The following MYO5B variants were observed in gnomAD, a reference collection of about 807,000 sequenced individuals.
MYO5B encodes unconventional myosin-Vb.
In MYO5B, 143 loss-of-function variants were observed where a neutral mutation model predicts 229.3. The observed-to-expected ratio is 0.62, with a 90% CI of 0.54 to 0.72. The LOEUF is 0.72. Ranked by LOEUF, MYO5B falls within the 30% of genes least tolerant of loss-of-function variation. The pLI is 0.00. For synonymous variants in MYO5B, 918 were observed against 885.2 expected, an observed-to-expected ratio of 1.04 and a Z score of -0.66; for missense variants, 2,321 against 2,331.0, an observed-to-expected ratio of 1.00 and a Z score of 0.09.
intron 2 of MYO5B, among the ~76,000 whole-genome samples, chr18:50,041,835 T>TGGGAAAA (rs2030024614): frequency 6.6e-6 from 1 of 152,102 alleles, no homozygotes; most frequent in Middle Eastern, 3.2e-3. Context: ...CAAAGTCAAA[T>TGGGAAAA]GGGAAAAGGG....
chr18:49,829,165 G>A (rs9950253), intron 39 of MYO5B, among the ~76,000 whole-genome samples: 2,034 of 149,812 alleles, frequency 0.014, 60 homozygotes, highest in African/African-American at 0.046. Context: ...CACAATCTCC[G>A]CCTCCCAGGT....
In MYO5B at chr18:49,836,851, C is replaced by T; in HGVS notation, c.5173G>A (p.Gly1725Arg). The change falls in exon 38 of 40, where the codon GGA (glycine) becomes AGA (arginine). Residue 1725 changes from glycine to arginine, a missense_variant. Transcript: ENST00000285039. ...NISQLEEWLR[G>R]RNLHQSGAVQ... is the part of the protein sequence containing the mutation. ...GCTCCACTCTGGTGAAGGTTTCTTC[C>T]CCGAAGCCACTCCTCAAGCTGACTT... is the stretch of plus-strand genomic sequence containing the variant. The T allele has an allele frequency of 1.9e-6, 3 of 1,614,100 alleles. No homozygotes were observed. The highest frequency in any genetic ancestry group is 2.5e-6 in the Non-Finnish European group (3 of 1,179,978).
rs71169467 is a variant in MYO5B, at chr18:49,957,142, C to CAAAA, written c.1546-2711_1546-2708dup. Among the ~76,000 whole-genome samples, 71 of 58,674 alleles carry CAAAA rather than the reference C, an allele frequency of 1.2e-3. 2 individuals are homozygous for CAAAA. The highest frequency in any genetic ancestry group is 2.5e-3 in the African/African-American group (31 of 12,586). 38.5% of individuals were successfully genotyped at this position (58,674 alleles called of 152,430 possible). A position where few individuals can be genotyped will look rare whatever the true frequency, so the allele number is the denominator to read the frequency against. ...ACTCCTTGCTAGTAAAATAAAGTAG[C>CAAAA]AAAAAAAAAAAAAAAAAAAAAAAGC... On this transcript the variant is annotated intron_variant, in intron 12 of 39. Transcript: ENST00000285039.
In MYO5B at chr18:50,047,597, C is replaced by T. The variant is rs144184610; in HGVS notation, c.139-7283G>A. Among the ~76,000 whole-genome samples, 1,332 of 152,214 alleles carry T rather than the reference C, an allele frequency of 8.8e-3. 17 individuals are homozygous for T. Among genetic ancestry groups the T allele is most frequent in the African/African-American group, 0.03 (1,232 of 41,504 alleles). ...CAGCCATCCCATTACTGGGTATATA[C>T]CCAAAGTATTATAAATCATGCTGCT... On this transcript the variant is annotated intron_variant, in intron 2 of 39. Coordinates refer to ENST00000285039, the MANE Select transcript of MYO5B (RefSeq NM_001080467.3).
chr18:49,929,531 C>G lies in MYO5B; in HGVS notation c.2071G>C (p.Ala691Pro). 2 of 1,607,588 alleles carry G rather than the reference C, an allele frequency of 1.2e-6. No individual in the cohort carries two copies. The highest frequency in any genetic ancestry group is 1.7e-6 in the Non-Finnish European group (2 of 1,178,698). The change falls in exon 17 of 40, where the codon GCA becomes CCA. Residue 691 changes from alanine (A) to proline (P), a missense_variant. Coordinates refer to ENST00000285039, the MANE Select transcript of MYO5B (RefSeq NM_001080467.3). ...CGVLETIRIS[A>P]AGYPSRWAYH... is the part of the protein sequence containing the mutation. Reference sequence around the variant, plus strand: ...AGTTACCTGGATGGGTAGCCAGCTGCACTGATTCGAATCGTCTCCAACACC... The same window carrying G: ...AGTTACCTGGATGGGTAGCCAGCTGGACTGATTCGAATCGTCTCCAACACC...
rs1287264334 is a variant in MYO5B, at chr18:50,195,049, G to T, written c.-256C>A. ...GAGCGCCGGGGGAGGAGGCCGCGCCGCACCACTCCCCTCCCAGGTGTGGGG... is the reference window on the plus strand; with the variant it reads ...GAGCGCCGGGGGAGGAGGCCGCGCCTCACCACTCCCCTCCCAGGTGTGGGG... On this transcript the variant is annotated 5_prime_UTR_variant, in exon 1 of 40. Coordinates refer to ENST00000285039, the MANE Select transcript of MYO5B (RefSeq NM_001080467.3). The T allele has an allele frequency of 1.4e-5, 5 of 346,446 alleles. No homozygotes were observed. Among genetic ancestry groups the T allele is most frequent in the Non-Finnish European group, 2.5e-5 (5 of 196,996 alleles). The allele number at this position is 346,446 out of a possible 1,614,324, so 21.5% of individuals were successfully genotyped here.
intron 4 of MYO5B, among the ~76,000 whole-genome samples, chr18:50,025,082 G>A (rs1158498132): frequency 1.3e-5 from 2 of 152,156 alleles, no homozygotes; most frequent in African/African-American, 4.8e-5. Context: ...GAATTACAGA[G>A]ACCCTGTTAC....
At chr18:49,877,181 A>G (rs1326595985) in intron 25 of MYO5B, among the ~76,000 whole-genome samples, 8 of 152,204 alleles carry the variant, frequency 5.3e-5, no homozygotes, top group Admixed American at 5.2e-4. Context: ...ATGCCAGAGG[A>G]AAAATTGTAT....
At chr18:50,192,190 G>A (rs1017964622) in intron 1 of MYO5B, among the ~76,000 whole-genome samples, 5 of 152,162 alleles carry the variant, frequency 3.3e-5, no homozygotes, top group East Asian at 3.8e-4. Flanking sequence ...GATTCTGACC[G>A]AAAACAAAGT....
intron 1 of MYO5B, among the ~76,000 whole-genome samples, chr18:50,173,755 A>G (rs971096013): frequency 1.3e-5 from 2 of 152,180 alleles, no homozygotes; most frequent in Non-Finnish European, 2.9e-5. Context: ...GGGGAGAAAC[A>G]GGAATAGCAA....
intron 17 of MYO5B, 90 bp from the exon 18 acceptor site, chr18:49,912,263 G>A: frequency 1.1e-6 from 1 of 937,828 alleles, no homozygotes; most frequent in Non-Finnish European, 1.8e-6. Flanking sequence ...TCCCTATGGG[G>A]TCAACACTGT....
chr18:50,030,780 TGGCAACACAGCAG>T (rs2026378495), intron 4 of MYO5B, among the ~76,000 whole-genome samples: 1 of 149,110 alleles, frequency 6.7e-6, no homozygotes, highest in Admixed American at 6.7e-5. Flanking sequence ...TAGTCACAGC[TGGCAACACAGCAG>T]AGACAGATGG....
intron 9 of MYO5B, among the ~76,000 whole-genome samples, chr18:49,977,994 G>A (rs571145357): frequency 6.6e-6 from 1 of 152,348 alleles, no homozygotes; most frequent in Admixed American, 6.5e-5. Flanking sequence ...TCTCGACTTA[G>A]AGTCCTTGCT....
chr18:50,042,440 GT>G (rs1048497824), intron 2 of MYO5B, among the ~76,000 whole-genome samples: 5 of 151,990 alleles, frequency 3.3e-5, no homozygotes, highest in Non-Finnish European at 5.9e-5. Context: ...ACAGTTTCCT[GT>G]TTTTTTCTTT....
rs1331864627 is a variant in MYO5B at position 49,823,586 on chromosome 18, TG to T, written c.*2884del. On this transcript the variant is annotated 3_prime_UTR_variant, in exon 40 of 40. Transcript: ENST00000285039. ...CTGTTCCAAGCTCCTAGTTTTGTTT[TG>T]TTTTTACAAAAGCCTTAAAATTTAG... is the stretch of plus-strand genomic sequence containing the variant. 1 of 152,290 alleles carries T rather than the reference TG, an allele frequency of 6.6e-6. No individual in the cohort carries two copies. Among genetic ancestry groups the T allele is most frequent in the Non-Finnish European group, 1.5e-5 (1 of 68,056 alleles). 9.4% of individuals were successfully genotyped at this position (152,290 alleles called of 1,614,324 possible). A position where few individuals can be genotyped will look rare whatever the true frequency, so the allele number is the denominator to read the frequency against.
At chr18:49,913,936 A>C (rs1013173299) in intron 17 of MYO5B, among the ~76,000 whole-genome samples, 1 of 149,870 alleles carries the variant, frequency 6.7e-6, no homozygotes, top group Non-Finnish European at 1.5e-5. Context: ...CTGGATGGCC[A>C]AACTCCAGGG....
intron 2 of MYO5B, among the ~76,000 whole-genome samples, chr18:50,049,422 A>C (rs145628576): frequency 6.6e-6 from 1 of 152,372 alleles, no homozygotes; most frequent in Non-Finnish European, 1.5e-5. Flanking sequence ...GCAGCATAAA[A>C]ATATGGAGTC....
At chr18:49,953,087 C>T (rs369461832) in intron 14 of MYO5B, among the ~76,000 whole-genome samples, 173 bp downstream of exon 14, 1 of 152,172 alleles carries the variant, frequency 6.6e-6, no homozygotes, top group East Asian at 1.9e-4. Context: ...TGGACACATT[C>T]ACAGTGGTAT....
At chr18:50,074,081 A>T (rs2031021944) in intron 1 of MYO5B, among the ~76,000 whole-genome samples, 1 of 152,190 alleles carries the variant, frequency 6.6e-6, no homozygotes, top group Admixed American at 6.5e-5. Flanking sequence ...GAAGAAAAAG[A>T]GGTTTAATTG....
Sources: gnomAD v4.1 joint callset for allele counts (sites outside exome capture counted in the v4.1 genomes callset) on GRCh38, gnomAD v4.1.1 for gene constraint, MANE v1.5 for transcripts, NCBI Gene and HGNC (gene_info 2026-07-23, HGNC 2026-07-21) for gene names.